DAG1: variants seen among roughly 807,000 people sequenced by gnomAD.
The protein encoded by DAG1 is dystroglycan 1, also known as dystroglycan 1 (dystrophin-associated glycoprotein 1).
DAG1 carries 8 observed loss-of-function variants against 46.1 expected under a neutral mutation model. The observed-to-expected ratio is 0.17, with a 90% CI of 0.10 to 0.31. DAG1 has a LOEUF of 0.31. DAG1 is among the 10% of genes least tolerant of loss of function. The probability of loss-of-function intolerance (pLI) is 1.00; values close to 1 mark genes in which losing one functional copy is unlikely to be tolerated. For missense variants in DAG1, 1,003 were observed against 1,189.9 expected, an observed-to-expected ratio of 0.84 and a Z score of 2.31; for synonymous variants, 495 against 481.8, an observed-to-expected ratio of 1.03 and a Z score of -0.36.
intron 2 of DAG1, among the ~76,000 whole-genome samples, chr3:49,524,835 A>G (rs1197862998): frequency 6.6e-6 from 1 of 151,450 alleles, no homozygotes; most frequent in African/African-American, 2.4e-5. Context: ...CACACACACA[A>G]AATACCCGGG....
At chr3:49,474,948 A>G (rs1186557470) in intron 1 of DAG1, among the ~76,000 whole-genome samples, 6 of 151,406 alleles carry the variant, frequency 4.0e-5, no homozygotes, top group African/African-American at 1.5e-4. Context: ...AGTAGCTGGG[A>G]CTACAGGCGC....
At chr3:49,479,967 T>C (rs2049824891) in intron 1 of DAG1, among the ~76,000 whole-genome samples, 1 of 141,534 alleles carries the variant, frequency 7.1e-6, no homozygotes, top group Non-Finnish European at 1.5e-5. Flanking sequence ...TTTTTTTTTT[T>C]GAGACTGAGT....
At chr3:49,489,567 G>A (rs2050128090) in intron 1 of DAG1, among the ~76,000 whole-genome samples, 1 of 152,000 alleles carries the variant, frequency 6.6e-6, no homozygotes, top group Admixed American at 6.6e-5. Flanking sequence ...GATCTGATTT[G>A]GGTTTTTTTT....
At chr3:49,528,274 GA>G (rs1333228510) in intron 2 of DAG1, among the ~76,000 whole-genome samples, 3 of 60,368 alleles carry the variant, frequency 5.0e-5, no homozygotes, top group African/African-American at 1.2e-4. Flanking sequence ...GAAATAGTGT[GA>G]TTTTTTTTTT....
rs2051479698 is a variant in DAG1, at chr3:49,535,251, C to T, written c.*2052C>T. On this transcript the variant is annotated 3_prime_UTR_variant, in exon 3 of 3. Coordinates refer to ENST00000308775, the MANE Select transcript of DAG1 (RefSeq NM_004393.6). ...ACCTCATCAAAAAATAAACAATTCC[C>T]AATGTTCCAGGTGAGGGCTTTGAAA... The T allele has an allele frequency of 6.6e-6, 1 of 152,580 alleles. No homozygotes were observed. Among genetic ancestry groups the T allele is most frequent in the East Asian group, 1.9e-4 (1 of 5,206 alleles). 9.5% of individuals were successfully genotyped at this position (152,580 alleles called of 1,614,324 possible).
At chr3:49,516,229 T>C (rs1367748619) in intron 2 of DAG1, among the ~76,000 whole-genome samples, 1 of 152,110 alleles carries the variant, frequency 6.6e-6, no homozygotes, top group Non-Finnish European at 1.5e-5. Context: ...TCTTGTTTTT[T>C]GTTAGTCATG....
rs373937981 is a variant in DAG1 at position 49,532,473 on chromosome 3, C to T, written c.1962C>T (p.Ser654=). 40 of 1,614,088 alleles carry T rather than the reference C, an allele frequency of 2.5e-5. No individual in the cohort carries two copies. Among genetic ancestry groups the T allele is most frequent in the Non-Finnish European group, 3.0e-5 (35 of 1,180,044 alleles). Residue 654 remains serine (S), a synonymous_variant, in exon 3 of 3, where the codon TCC becomes TCT. Coordinates refer to ENST00000308775, the MANE Select transcript of DAG1 (RefSeq NM_004393.6). The surrounding 1 kb of genome is among the most constrained non-coding windows in gnomAD (Gnocchi z 5.4). The stretch of plus-strand genomic sequence containing the variant: ...CCCTGCAGAATATCACCCGGGGCTC[C>T]ATCGTGGTGGAATGGACCAACAACA... The part of the protein sequence containing the change: ...TITLQNITRG[S]IVVEWTNNTL...
At chr3:49,470,866 C>T (rs922287167) in intron 1 of DAG1, 1 of 152,350 alleles carries the variant, frequency 6.6e-6, no homozygotes, top group Non-Finnish European at 1.5e-5. Context: ...CGCCACTGCT[C>T]TGTCAGAGCT....
intron 2 of DAG1, among the ~76,000 whole-genome samples, chr3:49,516,874 G>A (rs898243538): frequency 3.9e-5 from 6 of 152,030 alleles, no homozygotes; most frequent in South Asian, 4.1e-4. Context: ...TCTTTGAGCC[G>A]TTCAGCAGAT....
At chr3:49,521,196 G>T (rs534270748) in intron 2 of DAG1, among the ~76,000 whole-genome samples, 3 of 151,806 alleles carry the variant, frequency 2.0e-5, no homozygotes, top group African/African-American at 7.3e-5. Flanking sequence ...ACAGAGTCTC[G>T]CTCTTTGCCC....
rs1298032825 is a variant in DAG1, at chr3:49,531,746, A to C, written c.1235A>C (p.Glu412Ala). ...RPTMTIPGYV[E>A]PTAVATPPTT... The stretch of plus-strand genomic sequence containing the variant: ...ACGATGACCATTCCTGGCTATGTGG[A>C]GCCTACTGCAGTTGCTACCCCTCCC... Residue 412 changes from glutamate (E) to alanine (A), a missense_variant, in exon 3 of 3, where the codon GAG (glutamate) becomes GCG (alanine). This residue lies in a region of DAG1 where 755 missense variants were observed against 854.1 expected (regional missense o/e 0.88). Transcript: ENST00000308775. This position sits in a 1 kb window ranked among gnomAD's most constrained non-coding sequence, Gnocchi z 7.0. The C allele has an allele frequency of 6.2e-7, 1 of 1,613,878 alleles. No individual in the cohort carries two copies. Among genetic ancestry groups the C allele is most frequent in the Non-Finnish European group, 8.5e-7 (1 of 1,179,978 alleles).
At chr3:49,502,549 G>A (rs548370490) in intron 1 of DAG1, among the ~76,000 whole-genome samples, 81 of 152,134 alleles carry the variant, frequency 5.3e-4, no homozygotes, top group Non-Finnish European at 7.2e-4. Context: ...AGAGGAAAGA[G>A]GACAATGTTT....
intron 2 of DAG1, among the ~76,000 whole-genome samples, chr3:49,514,404 G>A (rs895691862): frequency 3.3e-5 from 5 of 152,166 alleles, no homozygotes; most frequent in African/African-American, 1.2e-4. Flanking sequence ...TCAAGAGATG[G>A]TCATGCCACA....
chr3:49,497,922 T>G (rs2050357380), intron 1 of DAG1, among the ~76,000 whole-genome samples: 1 of 152,202 alleles, frequency 6.6e-6, no homozygotes, highest in Non-Finnish European at 1.5e-5. Flanking sequence ...TTTTAAACCT[T>G]TGCTTCTGTC....
rs2107926551 is a variant in DAG1, at chr3:49,531,119, C to T, written c.608C>T (p.Thr203Ile). The T allele has an allele frequency of 6.2e-7, 1 of 1,614,186 alleles. No individual in the cohort carries two copies. ...VILDADLTKM[T>I]PKQRIDLLHR... is the part of the protein sequence containing the mutation. The stretch of plus-strand genomic sequence containing the variant: ...TTGGATGCCGACCTCACCAAGATGA[C>T]CCCAAAGCAAAGGATTGACCTCCTG... The change falls in exon 3 of 3, where the codon ACC (threonine) becomes ATC (isoleucine). Residue 203 changes from threonine to isoleucine, a missense_variant. Transcript: ENST00000308775. The surrounding 1 kb of genome is among the most constrained non-coding windows in gnomAD (Gnocchi z 7.0).
intron 1 of DAG1, among the ~76,000 whole-genome samples, chr3:49,478,794 T>TCC (rs1238239336): frequency 7.7e-6 from 1 of 129,596 alleles, no homozygotes; most frequent in African/African-American, 2.9e-5. Context: ...TCTCTTGTCG[T>TCC]CCCCTCCCTT....
intron 2 of DAG1, among the ~76,000 whole-genome samples, chr3:49,513,295 A>C (rs950815112): frequency 3.3e-5 from 5 of 152,106 alleles, no homozygotes; most frequent in African/African-American, 1.2e-4. Context: ...TGGGCTGCTT[A>C]GGTGTCCTCA....
intron 1 of DAG1, among the ~76,000 whole-genome samples, chr3:49,484,090 AATAG>A (rs2049953515): frequency 6.6e-6 from 1 of 152,180 alleles, no homozygotes; most frequent in East Asian, 1.9e-4. Context: ...TAAAGTCACA[AATAG>A]ATAACAGTAG....
chr3:49,512,942 A>G (rs2050802052), intron 2 of DAG1, among the ~76,000 whole-genome samples: 1 of 152,122 alleles, frequency 6.6e-6, no homozygotes, highest in Non-Finnish European at 1.5e-5. Context: ...AACTAAAAGT[A>G]TTCTGAGACC....
Sources: allele counts gnomAD v4.1 joint callset (sites outside exome capture counted in the v4.1 genomes callset), GRCh38; gene constraint gnomAD v4.1.1; regional missense constraint gnomAD v4.1.1; non-coding constraint Gnocchi (gnomAD v3.1); transcripts MANE v1.5; gene names NCBI Gene and HGNC (gene_info 2026-07-23, HGNC 2026-07-21).